PMEPA1: variants seen among roughly 807,000 people sequenced by gnomAD.
PMEPA1 encodes protein TMEPAI.
In PMEPA1, 11 loss-of-function variants were observed where a neutral mutation model predicts 23.0. That is an observed-to-expected ratio of 0.48 (90% CI 0.30 to 0.79). The LOEUF is 0.79. PMEPA1 is among the 30% of genes least tolerant of loss of function. The pLI, the probability that PMEPA1 is intolerant of heterozygous loss-of-function variation, is 0.06. For synonymous variants in PMEPA1, 204 were observed against 166.4 expected (o/e 1.23, Z -1.74); for missense variants, 377 against 390.9 (o/e 0.96, Z 0.30).
chr20:57,692,830 C>T (rs2146699765), intron 1 of PMEPA1, among the ~76,000 whole-genome samples: 1 of 152,316 alleles, frequency 6.6e-6, no homozygotes, highest in South Asian at 2.1e-4. Flanking sequence ...GGACAGCACT[C>T]AGCAATGTCT....
intron 1 of PMEPA1, among the ~76,000 whole-genome samples, chr20:57,701,665 G>A (rs944319023): frequency 3.3e-5 from 5 of 152,094 alleles, no homozygotes; most frequent in Admixed American, 6.5e-5. Flanking sequence ...TTCAGGTAAC[G>A]GTCCTGACAA....
At chr20:57,679,976 T>C (rs1185572420) in intron 1 of PMEPA1, among the ~76,000 whole-genome samples, 1 of 152,176 alleles carries the variant, frequency 6.6e-6, no homozygotes, top group Non-Finnish European at 1.5e-5. Flanking sequence ...GTTCCTTGGG[T>C]ACAGGCTGTC....
intron 1 of PMEPA1, among the ~76,000 whole-genome samples, chr20:57,667,951 G>A (rs907757477): frequency 2.6e-5 from 4 of 152,268 alleles, no homozygotes; most frequent in South Asian, 2.1e-4. Context: ...CACCCCCGAC[G>A]GCATGTCTAT....
At chr20:57,705,853 T>C (rs943662468) in intron 1 of PMEPA1, among the ~76,000 whole-genome samples, 2 of 152,122 alleles carry the variant, frequency 1.3e-5, no homozygotes, top group African/African-American at 4.8e-5. Context: ...AGAGGGGTGC[T>C]GGTAACACCT....
At chr20:57,662,038 C>T (rs2071428346) in intron 1 of PMEPA1, among the ~76,000 whole-genome samples, 1 of 151,454 alleles carries the variant, frequency 6.6e-6, no homozygotes, top group African/African-American at 2.4e-5. Flanking sequence ...GCCCGTGTTT[C>T]TCAGCTGGGG....
intron 1 of PMEPA1, among the ~76,000 whole-genome samples, chr20:57,687,247 G>A (rs1389391011): frequency 1.3e-5 from 2 of 152,226 alleles, no homozygotes; most frequent in Non-Finnish European, 2.9e-5. Flanking sequence ...TCTTCTCCAG[G>A]TGATCTCCTG....
chr20:57,707,503 G>T, intron 1 of PMEPA1, among the ~76,000 whole-genome samples: 1 of 152,214 alleles, frequency 6.6e-6, no homozygotes, highest in East Asian at 1.9e-4. Flanking sequence ...TAACCCCAAG[G>T]GTCCCAATCA....
At chr20:57,675,543 CA>C (rs1231613256) in intron 1 of PMEPA1, among the ~76,000 whole-genome samples, 3,614 of 152,342 alleles carry the variant, frequency 0.024, 167 homozygotes, top group African/African-American at 0.083. Context: ...ACCCCTGGCC[CA>C]CAGGCGGGGC....
intron 1 of PMEPA1, among the ~76,000 whole-genome samples, chr20:57,664,545 G>A (rs188055489): frequency 5.3e-4 from 80 of 149,862 alleles, no homozygotes; most frequent in African/African-American, 1.7e-3. Flanking sequence ...GCGGCAGCTC[G>A]CAGAATCCTC....
At chr20:57,668,845 A>C (rs2071528795) in intron 1 of PMEPA1, among the ~76,000 whole-genome samples, 1 of 152,118 alleles carries the variant, frequency 6.6e-6, no homozygotes, top group African/African-American at 2.4e-5. Flanking sequence ...ATTTTTCCTC[A>C]ATATCTTCAT....
chr20:57,690,462 G>A (rs749723442), intron 1 of PMEPA1: 158 of 1,303,994 alleles, frequency 1.2e-4, no homozygotes, highest in Non-Finnish European at 1.5e-4. Flanking sequence ...TGAATTTTTC[G>A]TTAAATAAGG....
intron 2 of PMEPA1, 123 bp downstream of exon 2, chr20:57,659,420 C>G: frequency 3.7e-6 from 4 of 1,085,028 alleles, no homozygotes; most frequent in Non-Finnish European, 5.2e-6. Context: ...GGCTCCCCAG[C>G]CCCTGTCTTC....
At chr20:57,662,827 G>T (rs2071440757) in intron 1 of PMEPA1, among the ~76,000 whole-genome samples, 1 of 152,160 alleles carries the variant, frequency 6.6e-6, no homozygotes, top group Admixed American at 6.5e-5. Context: ...AGGGAGGGAG[G>T]TGTGTGGCTG....
At chr20:57,690,684 T>G in intron 1 of PMEPA1, 2 of 756,072 alleles carry the variant, frequency 2.6e-6, no homozygotes, top group Non-Finnish European at 3.6e-6. Flanking sequence ...AAACACTCGG[T>G]GCAGATGAAG....
intron 1 of PMEPA1, among the ~76,000 whole-genome samples, chr20:57,663,355 G>A (rs968375773): frequency 6.6e-6 from 1 of 152,110 alleles, no homozygotes; most frequent in African/African-American, 2.4e-5. Context: ...CAGAGGGCCC[G>A]GGTCCCAGCC....
upstream of PMEPA1, chr20:57,710,041 T>A (rs2072151410): frequency 1.4e-5 from 14 of 999,156 alleles, no homozygotes; most frequent in Non-Finnish European, 1.5e-5. Flanking sequence ...GGCTGCCGGT[T>A]CCCACCGCGC....
At chr20:57,703,307 A>T (rs1221395821) in intron 1 of PMEPA1, among the ~76,000 whole-genome samples, 1 of 152,148 alleles carries the variant, frequency 6.6e-6, no homozygotes, top group Non-Finnish European at 1.5e-5. Flanking sequence ...ACATATGATC[A>T]CCTGTTAAAA....
At chr20:57,659,483 T>A in intron 2 of PMEPA1, 60 bp downstream of exon 2, 1 of 1,562,340 alleles carries the variant, frequency 6.4e-7, no homozygotes, top group South Asian at 1.1e-5. Flanking sequence ...GTCTGAGTTT[T>A]TACAAGGGGC....
chr20:57,652,885 G>A lies in PMEPA1; in HGVS notation c.318+148C>T, dbSNP rs2071272416. 4 of 743,878 alleles carry A rather than the reference G, an allele frequency of 5.4e-6. No homozygotes were observed. The South Asian group carries it at 6.3e-5, about 12-fold the overall frequency. The allele number at this position is 743,878 out of a possible 1,614,324, so 46.1% of individuals were successfully genotyped here. A position where few individuals can be genotyped will look rare whatever the true frequency, so the allele number is the denominator to read the frequency against. ...GCTCCCTCAGGGGCAGGGAGCAGATGATCTCCGGCAAGGAGGATCCCAGCA... is the reference window on the plus strand; with the variant it reads ...GCTCCCTCAGGGGCAGGGAGCAGATAATCTCCGGCAAGGAGGATCCCAGCA... On this transcript the variant is annotated intron_variant, in intron 3 of 3. Transcript: ENST00000341744. This position sits in a 1 kb window ranked among gnomAD's most constrained non-coding sequence, Gnocchi z 6.1.
Sources: gnomAD v4.1 joint callset for allele counts (sites outside exome capture counted in the v4.1 genomes callset) on GRCh38, gnomAD v4.1.1 for gene constraint, Gnocchi (gnomAD v3.1) non-coding constraint, MANE v1.5 for transcripts, NCBI Gene and HGNC (gene_info 2026-07-23, HGNC 2026-07-21) for gene names.